The following LRCH2 variants were observed in gnomAD, a reference collection of about 807,000 sequenced individuals.
LRCH2 encodes the protein leucine-rich repeat and calponin homology domain-containing protein 2.
Under a neutral mutation model 68.9 loss-of-function variants are expected in LRCH2, and 38 were observed. The ratio of observed to expected loss-of-function variants is 0.55; its 90% CI spans 0.43 to 0.72. The LOEUF (loss-of-function observed/expected upper bound fraction) is 0.72, where lower values mean the gene tolerates loss of function less well. Among genes scored for constraint, LRCH2 ranks in the 30% least tolerant of loss-of-function variants. LRCH2 has a pLI of 0.00. For missense variants in LRCH2, 528 were observed against 572.9 expected (o/e 0.92, Z 0.80); for synonymous variants, 191 against 208.1 (o/e 0.92, Z 0.71).
At chrX:115,225,965 T>C (rs146591326) in intron 1 of LRCH2, among the ~76,000 whole-genome samples, 30 of 112,252 alleles carry the variant, frequency 2.7e-4, no homozygotes, top group African/African-American at 8.7e-4. Flanking sequence ...CATAGATTCA[T>C]AGGATCTCCT....
intron 1 of LRCH2, among the ~76,000 whole-genome samples, chrX:115,194,184 C>T (rs1489445843): frequency 9.0e-6 from 1 of 110,876 alleles, no homozygotes; most frequent in Non-Finnish European, 1.9e-5. Flanking sequence ...CATTCTTAAC[C>T]TTATGTAAAA....
intron 1 of LRCH2, among the ~76,000 whole-genome samples, chrX:115,233,397 A>G (rs1007933974): frequency 8.9e-6 from 1 of 111,778 alleles, no homozygotes. Flanking sequence ...GAAGTGCATT[A>G]AGGAAGGTGT....
chrX:115,221,006 T>C (rs979412172), intron 1 of LRCH2, among the ~76,000 whole-genome samples: 2 of 106,381 alleles, frequency 1.9e-5, no homozygotes, highest in Admixed American at 2.0e-4. Context: ...AAACCCTGTC[T>C]CTACTAAAAA....
In LRCH2 at chrX:115,198,103, C is replaced by T. The variant is rs139170703; in HGVS notation, c.350-9733G>A. 8.3e-3 allele frequency among the ~76,000 whole-genome samples: 868 copies of T among 104,459 alleles called. 13 individuals carry two copies. The highest frequency in any genetic ancestry group is 0.03 in the African/African-American group (839 of 28,395). 90.7% of individuals were successfully genotyped at this position (104,459 alleles called of 115,157 possible). A position where few individuals can be genotyped will look rare whatever the true frequency, so the allele number is the denominator to read the frequency against. On this transcript the variant is annotated intron_variant, in intron 1 of 20. Transcript: ENST00000317135. Reference sequence around the variant, plus strand: ...TTATTATACTTTAAGTTCTGGGATCCACATGCAGAACATGCAGGTTTGTTA... The same window carrying T: ...TTATTATACTTTAAGTTCTGGGATCTACATGCAGAACATGCAGGTTTGTTA...
intron 10 of LRCH2, among the ~76,000 whole-genome samples, 197 bp from the exon 11 acceptor site, chrX:115,163,980 T>C (rs1228542265): frequency 3.6e-5 from 4 of 112,189 alleles, no homozygotes; most frequent in African/African-American, 1.3e-4. Flanking sequence ...GCATACTGGC[T>C]GTATTAATAT....
At chrX:115,122,427 C>T (rs958788450) in intron 20 of LRCH2, 100 bp downstream of exon 20, 25 of 639,235 alleles carry the variant, frequency 3.9e-5, no homozygotes, top group Non-Finnish European at 6.0e-5. Context: ...CATTCATTTT[C>T]ATGTTCAGAA....
intron 1 of LRCH2, among the ~76,000 whole-genome samples, chrX:115,225,591 T>C (rs1216245408): frequency 1.2e-4 from 13 of 111,986 alleles, no homozygotes; most frequent in Non-Finnish European, 1.5e-4. Context: ...AAATTCAAGA[T>C]TGATACATTT....
intron 1 of LRCH2, 102 bp from the exon 2 acceptor site, chrX:115,188,472 T>A: frequency 2.0e-6 from 1 of 502,531 alleles, no homozygotes; most frequent in Non-Finnish European, 3.0e-6. Flanking sequence ...AGCAACTACT[T>A]AAAATACTTT....
At chrX:115,140,906 A>G (rs1477619126) in intron 14 of LRCH2, among the ~76,000 whole-genome samples, 1 of 111,275 alleles carries the variant, frequency 9.0e-6, no homozygotes, top group East Asian at 2.8e-4. Flanking sequence ...GAATAGATGA[A>G]AAAATAAGAC....
intron 5 of LRCH2, among the ~76,000 whole-genome samples, chrX:115,177,512 C>G (rs1479893990): frequency 3.6e-5 from 4 of 111,866 alleles, no homozygotes; most frequent in African/African-American, 1.3e-4. Flanking sequence ...TGCAACCATT[C>G]ACTGTTTTCA....
intron 5 of LRCH2, among the ~76,000 whole-genome samples, chrX:115,170,998 T>C (rs1299312899): frequency 9.0e-6 from 1 of 111,290 alleles, no homozygotes; most frequent in Non-Finnish European, 1.9e-5. Flanking sequence ...GAAATTACTT[T>C]CGTTGGCCAT....
intron 1 of LRCH2, among the ~76,000 whole-genome samples, chrX:115,209,985 C>T (rs1409468536): frequency 1.8e-5 from 2 of 111,102 alleles, no homozygotes; most frequent in African/African-American, 3.3e-5. Flanking sequence ...GGCAGCAAAG[C>T]ATTCAAGAGG....
intron 14 of LRCH2, among the ~76,000 whole-genome samples, chrX:115,148,728 G>A (rs1417467981): frequency 9.0e-6 from 1 of 111,581 alleles, no homozygotes; most frequent in Non-Finnish European, 1.9e-5. Flanking sequence ...GTTCTACTTA[G>A]AATGTCCTTC....
In LRCH2 at chrX:115,139,001, GTACATA is replaced by G. The variant is rs200482548; in HGVS notation, c.1696-8808_1696-8803del. 4 of 111,305 alleles carry G rather than the reference GTACATA, an allele frequency of 3.6e-5. No individual in the cohort carries two copies. The East Asian group carries it at 8.4e-4, about 23-fold the overall frequency. The allele number at this position is 111,305 out of a possible 1,213,427, so 9.2% of individuals were successfully genotyped here. A position where few individuals can be genotyped will look rare whatever the true frequency, so the allele number is the denominator to read the frequency against. Reference sequence around the variant, plus strand: ...GTCAGTCCATCTCAGAAGCTTTTATGTACATATACATATACATATACATATTTTTTG... The same window carrying G: ...GTCAGTCCATCTCAGAAGCTTTTATGTACATATACATATACATATTTTTTG... On this transcript the variant is annotated intron_variant, in intron 14 of 20. Transcript: ENST00000317135.
chrX:115,134,293 T>C (rs1556531220), intron 14 of LRCH2, among the ~76,000 whole-genome samples: 1 of 112,634 alleles, frequency 8.9e-6, no homozygotes, highest in East Asian at 2.8e-4. Context: ...AAGTAGCAAG[T>C]GCTGATGTAG....
At position 115,112,120 on chromosome X, in the gene LRCH2, G is replaced by A. The variant is rs1439951961; in HGVS notation, c.*1096C>T. 1.8e-5 allele frequency: 2 copies of A among 111,306 alleles called. No individual in the cohort carries two copies. The highest frequency in any genetic ancestry group is 6.5e-5 in the African/African-American group (2 of 30,715). 9.2% of individuals were successfully genotyped at this position (111,306 alleles called of 1,213,427 possible). A position where few individuals can be genotyped will look rare whatever the true frequency, so the allele number is the denominator to read the frequency against. Reference sequence around the variant, plus strand: ...ACATCAAAGTAATTGAAGATCACAAGGTTTACAGGATTCACAAATGGCCAG... The same window carrying A: ...ACATCAAAGTAATTGAAGATCACAAAGTTTACAGGATTCACAAATGGCCAG... On this transcript the variant is annotated 3_prime_UTR_variant, in exon 21 of 21. Transcript: ENST00000317135.
At chrX:115,192,124 G>A (rs1186027242) in intron 1 of LRCH2, 3 of 1,166,988 alleles carry the variant, frequency 2.6e-6, no homozygotes, top group Non-Finnish European at 3.4e-6. Context: ...CAGGGGCCGC[G>A]ACAGTTTCAG....
At chrX:115,185,380 A>G (rs2072723802) in intron 2 of LRCH2, among the ~76,000 whole-genome samples, 1 of 112,042 alleles carries the variant, frequency 8.9e-6, no homozygotes, top group Non-Finnish European at 1.9e-5. Context: ...ATTCAAACTC[A>G]GGCAATCTGG....
chrX:115,151,589 AT>A (rs1479127868), intron 12 of LRCH2, among the ~76,000 whole-genome samples: 1 of 111,894 alleles, frequency 8.9e-6, no homozygotes, highest in African/African-American at 3.2e-5. Flanking sequence ...AACAATCAAA[AT>A]TAAATACTAA....
Sources: allele counts gnomAD v4.1 joint callset (sites outside exome capture counted in the v4.1 genomes callset), GRCh38; gene constraint gnomAD v4.1.1; transcripts MANE v1.5; gene names NCBI Gene and HGNC (gene_info 2026-07-23, HGNC 2026-07-21).